The following RASAL1 variants were observed in gnomAD, a reference collection of about 807,000 sequenced individuals.
RASAL1 encodes rasGAP-activating-like protein 1.
In RASAL1, 72 loss-of-function variants were observed where a neutral mutation model predicts 96.6. The observed-to-expected ratio is 0.75, with a 90% CI of 0.62 to 0.91. The LOEUF (loss-of-function observed/expected upper bound fraction) is 0.91. Ranked by LOEUF, RASAL1 falls within the 40% of genes least tolerant of loss-of-function variation. The pLI is 0.00. For missense variants in RASAL1, 1,016 were observed against 1,072.5 expected (o/e 0.95, Z 0.74); for synonymous variants, 405 against 430.4 (o/e 0.94, Z 0.73).
Position 113,115,997 on chromosome 12 carries a change from C to A in RASAL1, c.786G>T (p.Leu262=). The A allele has an allele frequency of 6.2e-7, 1 of 1,610,394 alleles. No individual in the cohort carries two copies. The highest frequency in any genetic ancestry group is 8.5e-7 in the Non-Finnish European group (1 of 1,177,906). ...TGAGAGGCTGGTAGCACTGGGAGGG[C>A]AGGACGCGGTCCTCAATCAGGCGTA... The part of the protein sequence containing the change: ...VKVRLIEDRV[L]PSQCYQPLME... Residue 262 remains leucine (L), a synonymous_variant, in exon 9 of 21, where the codon CTG becomes CTT. Transcript: ENST00000548055. This position sits in a 1 kb window ranked among gnomAD's most constrained non-coding sequence, Gnocchi z 4.1.
Position 113,104,185 on chromosome 12 carries a change from C to CAGCG in RASAL1, c.1940_1943dup (p.His649AlafsTer13). The stretch of plus-strand genomic sequence containing the variant: ...CCTTGCACTGGAGGTAGGTGGTGTG[C>CAGCG]AGCGCCCCCGTGCCGTCCTGCGTCA... On this transcript the variant is annotated frameshift_variant, in exon 17 of 21. Transcript: ENST00000548055. LOFTEE classifies it high-confidence loss of function. 6.2e-7 allele frequency: 1 copy of CAGCG among 1,611,330 alleles called. No individual in the cohort carries two copies. Among genetic ancestry groups the CAGCG allele is most frequent in the Non-Finnish European group, 8.5e-7 (1 of 1,178,568 alleles).
Position 113,117,103 on chromosome 12 carries a change from A to G in RASAL1, c.701T>C (p.Leu234Pro). The change falls in exon 8 of 21, where the codon CTG becomes CCG. Residue 234 changes from leucine (L) to proline (P), a missense_variant. By Grantham distance (98) the Leu-to-Pro change is moderately conservative (BLOSUM62 -3). Transcript: ENST00000548055. ...QKPPKGWFRL[L>P]PFPRAEEDSG... ...ATCCTCCTCGGCTCTGGGAAAGGGC[A>G]GGAGGCGGAACCAGCCTTTAGGTGG... 6.2e-7 allele frequency: 1 copy of G among 1,610,328 alleles called. No homozygotes were observed. Among genetic ancestry groups the G allele is most frequent in the Non-Finnish European group, 8.5e-7 (1 of 1,177,182 alleles).
intron 5 of RASAL1, among the ~76,000 whole-genome samples, chr12:113,121,171 C>T (rs1228201072): frequency 6.6e-6 from 1 of 152,184 alleles, no homozygotes; most frequent in East Asian, 1.9e-4. Context: ...AGCTACATGT[C>T]AGTCATATAA....
chr12:113,107,625 G>GA, intron 14 of RASAL1: 2 of 412,858 alleles, frequency 4.8e-6, no homozygotes, highest in South Asian at 1.9e-5. Context: ...TTGTCTCAAG[G>GA]AAAAAAATAA....
At position 113,115,091 on chromosome 12, in the gene RASAL1, C is replaced by A; in HGVS notation, c.1068+109G>T. 7.9e-7 allele frequency: 1 copy of A among 1,268,822 alleles called. No homozygotes were observed. The highest frequency in any genetic ancestry group is 1.1e-6 in the Non-Finnish European group (1 of 872,504). 78.6% of individuals were successfully genotyped at this position (1,268,822 alleles called of 1,614,324 possible). A position where few individuals can be genotyped will look rare whatever the true frequency, so the allele number is the denominator to read the frequency against. ...GGCACCAGCCGCCAGCACTGCAGCTCGGCTGCTCAGTGCTGTCTGAAGCCA... is the reference window on the plus strand; with the variant it reads ...GGCACCAGCCGCCAGCACTGCAGCTAGGCTGCTCAGTGCTGTCTGAAGCCA... On this transcript the variant is annotated intron_variant, in intron 11 of 20. Coordinates refer to ENST00000548055, the MANE Select transcript of RASAL1 (RefSeq NM_001301202.2). This position sits in a 1 kb window ranked among gnomAD's most constrained non-coding sequence, Gnocchi z 4.1.
At chr12:113,124,217 C>CAA (rs35190885) in intron 4 of RASAL1, among the ~76,000 whole-genome samples, 70 of 98,276 alleles carry the variant, frequency 7.1e-4, no homozygotes, top group South Asian at 2.1e-3. Flanking sequence ...GACTCTGTCT[C>CAA]AAAAAAAAAA....
chr12:113,104,995 T>C (rs1950597436), intron 16 of RASAL1, among the ~76,000 whole-genome samples: 1 of 152,258 alleles, frequency 6.6e-6, no homozygotes, highest in African/African-American at 2.4e-5. Flanking sequence ...AGAGGATAGA[T>C]GACGCTTCCA....
At chr12:113,110,101 G>A (rs1950814056) in intron 13 of RASAL1, among the ~76,000 whole-genome samples, 1 of 152,146 alleles carries the variant, frequency 6.6e-6, no homozygotes. Context: ...CCACAGCTGT[G>A]CCCCACTTAA....
chr12:113,101,897 G>A lies in RASAL1; in HGVS notation c.2217C>T (p.Asp739=). 8 of 1,613,436 alleles carry A rather than the reference G, an allele frequency of 5.0e-6. No individual in the cohort carries two copies. The highest frequency in any genetic ancestry group is 6.8e-6 in the Non-Finnish European group (8 of 1,179,674). Reference sequence around the variant, plus strand: ...TGGGTGGGGGCACCCACCTGAGCTGGTCCCGCCCCAGGAGCAGCTGCCGAT... The same window carrying A: ...TGGGTGGGGGCACCCACCTGAGCTGATCCCGCCCCAGGAGCAGCTGCCGAT... The part of the protein sequence containing the change: ...TVYRQLLLGR[D]QLRLKLLEDS... Residue 739 remains aspartate (D), a synonymous_variant, in exon 19 of 21, where the codon GAC becomes GAT. Coordinates refer to ENST00000548055, the MANE Select transcript of RASAL1 (RefSeq NM_001301202.2).
At chr12:113,124,856 T>G (rs941111609) in intron 4 of RASAL1, among the ~76,000 whole-genome samples, 3 of 152,260 alleles carry the variant, frequency 2.0e-5, no homozygotes, top group African/African-American at 7.2e-5. Flanking sequence ...TAAATGGTAT[T>G]GAGACAATTA....
At chr12:113,101,779 T>C in intron 19 of RASAL1, 110 bp downstream of exon 19, 1 of 1,387,560 alleles carries the variant, frequency 7.2e-7, no homozygotes. Context: ...CCCCGGGGAA[T>C]ATCCACCAAC....
chr12:113,130,318 T>C lies in RASAL1; in HGVS notation c.122+567A>G, dbSNP rs1448680003. 6.6e-6 allele frequency among the ~76,000 whole-genome samples: 1 copy of C among 152,204 alleles called. No homozygotes were observed. The highest frequency in any genetic ancestry group is 1.5e-5 in the Non-Finnish European group (1 of 68,030). On this transcript the variant is annotated intron_variant, in intron 2 of 20. Transcript: ENST00000548055. The surrounding 1 kb of genome is among the most constrained non-coding windows in gnomAD (Gnocchi z 5.1). ...GCCTTTGTGACCAAATCAGCTGGCA[T>C]TGGTGTTCACATGCATGTGCAGGGC...
At position 113,105,788 on chromosome 12, in the gene RASAL1, G is replaced by A. The variant is rs542734858; in HGVS notation, c.1756C>T (p.Arg586Cys). ...RKEEPAGLAT[R>C]FAFKKRYVWL... ...ACGTAGCGCTTCTTGAAGGCAAAGC[G>A]CGTGGCCAGGCCGGCAGGCTCCTCC... is the stretch of plus-strand genomic sequence containing the variant. The change falls in exon 16 of 21, where the codon CGC (arginine) becomes TGC (cysteine). Residue 586 changes from arginine to cysteine, a missense_variant. Physicochemically the swap from Arg to Cys is radical, Grantham distance 180. Transcript: ENST00000548055. 66 of 1,614,196 alleles carry A rather than the reference G, an allele frequency of 4.1e-5. 1 individual carries two copies. The South Asian group carries it at 5.1e-4, about 12-fold the overall frequency.
Position 113,115,579 on chromosome 12 carries a change from C to T in RASAL1, c.1003+56G>A. The T allele has an allele frequency of 6.3e-7, 1 of 1,589,066 alleles. No homozygotes were observed. The highest frequency in any genetic ancestry group is 8.6e-7 in the Non-Finnish European group (1 of 1,167,098). On this transcript the variant is annotated intron_variant, in intron 10 of 20. Transcript: ENST00000548055. The surrounding 1 kb of genome is among the most constrained non-coding windows in gnomAD (Gnocchi z 4.1). Reference sequence around the variant, plus strand: ...GCCTCCCCATTCCTCCCCCAGGACCCTCCTGCAAGCCCACCATTGAGGGCG... The same window carrying T: ...GCCTCCCCATTCCTCCCCCAGGACCTTCCTGCAAGCCCACCATTGAGGGCG...
chr12:113,117,029 G>C (rs373447601), intron 8 of RASAL1, 44 bp downstream of exon 8: 46 of 1,460,962 alleles, frequency 3.1e-5, no homozygotes, highest in Non-Finnish European at 4.2e-5. Context: ...GATGCTGCCC[G>C]GCATGGCTCC....
chr12:113,107,214 G>A lies in RASAL1; in HGVS notation c.1540C>T (p.Gln514Ter), dbSNP rs1262804277. Residue 514 changes from glutamine to a stop codon, truncating the protein, a stop_gained, in exon 15 of 21, where the codon CAG (glutamine) becomes TAG (stop). Transcript: ENST00000548055. LOFTEE classifies it high-confidence loss of function. Reference protein sequence around the residue: ...KAVQSIGNLGQQLGQGKELWM... With the variant: ...KAVQSIGNLG Reference sequence around the variant, plus strand: ...AGTTCCTTGCCTTGGCCCAGCTGCTGGCCCAGGTTTCCAATGCTCTGCACA... The same window carrying A: ...AGTTCCTTGCCTTGGCCCAGCTGCTAGCCCAGGTTTCCAATGCTCTGCACA... The A allele has an allele frequency of 2.5e-6, 4 of 1,611,452 alleles. No individual in the cohort carries two copies. The South Asian group carries it at 4.4e-5, about 18-fold the overall frequency.
chr12:113,118,515 T>C (rs1362664565), intron 7 of RASAL1, among the ~76,000 whole-genome samples: 2 of 152,222 alleles, frequency 1.3e-5, no homozygotes, highest in Non-Finnish European at 2.9e-5. Context: ...CTTTGGGGTA[T>C]GTACCTAAGA....
chr12:113,117,887 A>G (rs1325965858), intron 7 of RASAL1, among the ~76,000 whole-genome samples: 1 of 152,194 alleles, frequency 6.6e-6, no homozygotes, highest in African/African-American at 2.4e-5. Context: ...GTCCTGACTC[A>G]TAACGTATAA....
chr12:113,115,669 C>T lies in RASAL1; in HGVS notation c.969G>A (p.Leu323=), dbSNP rs1327429630. Residue 323 remains leucine, a synonymous_variant, in exon 10 of 21, where the codon CTG becomes CTA. Coordinates refer to ENST00000548055, the MANE Select transcript of RASAL1 (RefSeq NM_001301202.2). This position sits in a 1 kb window ranked among gnomAD's most constrained non-coding sequence, Gnocchi z 4.1. ...FLGRGLAGRF[L]DYLTRREVAR... is the part of the protein sequence containing the mutation. ...CCACCTCACGCCGGGTGAGATAGTCCAGAAAGCGCCCAGCCAGTCCCCGGC... is the reference window on the plus strand; with the variant it reads ...CCACCTCACGCCGGGTGAGATAGTCTAGAAAGCGCCCAGCCAGTCCCCGGC... The T allele has an allele frequency of 1.2e-6, 2 of 1,613,860 alleles. No individual in the cohort carries two copies. Among genetic ancestry groups the T allele is most frequent in the Non-Finnish European group, 1.7e-6 (2 of 1,180,010 alleles).
Sources: gnomAD v4.1 joint callset for allele counts (sites outside exome capture counted in the v4.1 genomes callset) on GRCh38, gnomAD v4.1.1 for gene constraint, Gnocchi (gnomAD v3.1) non-coding constraint, MANE v1.5 for transcripts, NCBI Gene and HGNC (gene_info 2026-07-23, HGNC 2026-07-21) for gene names.